DNAJB6: variants seen among roughly 807,000 people sequenced by gnomAD.
DNAJB6 encodes DnaJ heat shock protein family (Hsp40) member B6.
Under a neutral mutation model 42.7 loss-of-function variants are expected in DNAJB6, and 16 were observed. The observed-to-expected ratio is 0.37, with a 90% CI of 0.25 to 0.57. The LOEUF (loss-of-function observed/expected upper bound fraction) is 0.57, where lower values mean the gene tolerates loss of function less well. DNAJB6 is among the 20% of genes least tolerant of loss of function. The pLI, the probability that DNAJB6 is intolerant of heterozygous loss-of-function variation, is 0.74. For synonymous variants in DNAJB6, 170 were observed against 163.5 expected (o/e 1.04, Z -0.30); for missense variants, 347 against 416.8 (o/e 0.83, Z 1.46).
rs759035967 is a variant in DNAJB6, at chr7:157,366,488, C to A, written c.176-14C>A. 6.2e-7 allele frequency: 1 copy of A among 1,613,566 alleles called. No homozygotes were observed. The highest frequency in any genetic ancestry group is 8.5e-7 in the Non-Finnish European group (1 of 1,179,748). On this transcript the variant is annotated splice_polypyrimidine_tract_variant and intron_variant, in intron 3 of 9. Transcript: ENST00000262177. ...AAGGAACTTGGCCTTACCGACTTTT[C>A]TTTCAATTTTTAGCTAAGAAACGGG... is the stretch of plus-strand genomic sequence containing the variant.
chr7:157,388,284 A>G (rs1801174578), intron 8 of DNAJB6, among the ~76,000 whole-genome samples: 1 of 152,248 alleles, frequency 6.6e-6, no homozygotes, highest in Non-Finnish European at 1.5e-5. Flanking sequence ...TTCCTAGAGA[A>G]TTCAGTCTAA....
intron 1 of DNAJB6, among the ~76,000 whole-genome samples, chr7:157,352,030 A>G (rs532341444): frequency 4.6e-5 from 7 of 151,740 alleles, no homozygotes; most frequent in Non-Finnish European, 8.8e-5. Context: ...AAAAAACAAA[A>G]CTTCTCAATT....
chr7:157,410,313 T>C (rs1389407761), intron 9 of DNAJB6: 1 of 527,826 alleles, frequency 1.9e-6, no homozygotes, highest in Non-Finnish European at 3.1e-6. Flanking sequence ...ACGTGCCTTT[T>C]CGTAGCTTTC....
intron 1 of DNAJB6, among the ~76,000 whole-genome samples, chr7:157,345,984 C>G (rs998602235): frequency 1.1e-4 from 16 of 151,998 alleles, no homozygotes; most frequent in African/African-American, 3.9e-4. Flanking sequence ...AGTCCAGGCT[C>G]TCGCTGGGCA....
At chr7:157,346,895 G>T (rs750742485) in intron 1 of DNAJB6, among the ~76,000 whole-genome samples, 1 of 151,960 alleles carries the variant, frequency 6.6e-6, no homozygotes, top group Non-Finnish European at 1.5e-5. Flanking sequence ...TTGCTCTGTC[G>T]CCCAGGCTGC....
At chr7:157,388,945 G>A (rs1240260174) in intron 8 of DNAJB6, among the ~76,000 whole-genome samples, 1 of 152,088 alleles carries the variant, frequency 6.6e-6, no homozygotes, top group African/African-American at 2.4e-5. Context: ...GGAAACTCGG[G>A]GTTTTAAATA....
chr7:157,358,537 T>A lies in DNAJB6; in HGVS notation c.-26-10T>A. ...CAGCCTCATCACTGACCACCTGTTT[T>A]TACTTGCAGGACCCATTCCAACAAT... is the stretch of plus-strand genomic sequence containing the variant. On this transcript the variant is annotated splice_polypyrimidine_tract_variant and intron_variant, in intron 1 of 9. Coordinates refer to ENST00000262177, the MANE Select transcript of DNAJB6 (RefSeq NM_058246.4). The A allele has an allele frequency of 6.3e-7, 1 of 1,592,584 alleles. No individual in the cohort carries two copies.
rs565024715 is a variant in DNAJB6, at chr7:157,364,945, G to T, written c.176-1557G>T. On this transcript the variant is annotated intron_variant, in intron 3 of 9. Transcript: ENST00000262177. The stretch of plus-strand genomic sequence containing the variant: ...CGTTTTCCCATTTTGTGGAATGTGA[G>T]ATTTTCTTCTACTTTTTAAAAATTG... Among the ~76,000 whole-genome samples the T allele has an allele frequency of 2.0e-5, 3 of 152,318 alleles. No homozygotes were observed. In the South Asian group the frequency reaches 6.2e-4, roughly 32 times the overall value.
chr7:157,361,299 C>T (rs1360901986), intron 2 of DNAJB6, among the ~76,000 whole-genome samples: 1 of 152,054 alleles, frequency 6.6e-6, no homozygotes, highest in Non-Finnish European at 1.5e-5. Context: ...GGTGGAACTG[C>T]AGGCGCCTGC....
intron 1 of DNAJB6, among the ~76,000 whole-genome samples, chr7:157,344,290 G>C (rs557178564): frequency 6.6e-6 from 1 of 152,010 alleles, no homozygotes; most frequent in East Asian, 1.9e-4. Flanking sequence ...GCAGTGAGCC[G>C]AGATCCCTCT....
intron 8 of DNAJB6, among the ~76,000 whole-genome samples, chr7:157,393,445 T>A (rs1208888257): frequency 6.6e-6 from 1 of 152,230 alleles, no homozygotes; most frequent in Admixed American, 6.5e-5. Flanking sequence ...CTGAGAAAGA[T>A]TAGTTACTGT....
chr7:157,341,611 T>C (rs948435358), intron 1 of DNAJB6, among the ~76,000 whole-genome samples: 4 of 152,240 alleles, frequency 2.6e-5, no homozygotes, highest in Non-Finnish European at 5.9e-5. Flanking sequence ...GTTGGTATGC[T>C]TATGAACTGT....
chr7:157,362,248 C>T (rs1197669996), intron 2 of DNAJB6, among the ~76,000 whole-genome samples: 1 of 152,126 alleles, frequency 6.6e-6, no homozygotes, highest in Non-Finnish European at 1.5e-5. Context: ...AGGTGATTCA[C>T]CTTTGGCACA....
At chr7:157,410,111 G>C in intron 9 of DNAJB6, 110 bp downstream of exon 9, 5 of 1,420,078 alleles carry the variant, frequency 3.5e-6, no homozygotes, top group Non-Finnish European at 3.7e-6. Context: ...TGACCTGAGC[G>C]GGCGTGGGCG....
Position 157,356,677 on chromosome 7 carries a change from T to C in DNAJB6, c.-26-1870T>C, listed in dbSNP as rs554723664. Among the ~76,000 whole-genome samples, 29 of 152,348 alleles carry C rather than the reference T, an allele frequency of 1.9e-4. No individual in the cohort carries two copies. In the South Asian group the frequency reaches 6.0e-3, roughly 32 times the overall value. ...TTAATATTTTATCTTTGTTTTATTA[T>C]GTATCCAGCAAAGCTGATAACGTTA... is the stretch of plus-strand genomic sequence containing the variant. On this transcript the variant is annotated intron_variant, in intron 1 of 9. Coordinates refer to ENST00000262177, the MANE Select transcript of DNAJB6 (RefSeq NM_058246.4).
At chr7:157,348,436 T>A (rs1384423387) in intron 1 of DNAJB6, among the ~76,000 whole-genome samples, 1 of 152,210 alleles carries the variant, frequency 6.6e-6, no homozygotes, top group African/African-American at 2.4e-5. Context: ...AATGGAAGAT[T>A]TCTGCACCAG....
chr7:157,386,339 G>C lies in DNAJB6; in HGVS notation c.691+728G>C, dbSNP rs545553573. 6 of 984,414 alleles carry C rather than the reference G, an allele frequency of 6.1e-6. No individual in the cohort carries two copies. In the South Asian group the frequency reaches 2.4e-4, roughly 39 times the overall value. 61.0% of individuals were successfully genotyped at this position (984,414 alleles called of 1,614,324 possible). A position where few individuals can be genotyped will look rare whatever the true frequency, so the allele number is the denominator to read the frequency against. Reference sequence around the variant, plus strand: ...TGGGATCTGGAGCTTTTTTGTGTCTGTGTATGATTTGTGCCTGGGCTTCTA... The same window carrying C: ...TGGGATCTGGAGCTTTTTTGTGTCTCTGTATGATTTGTGCCTGGGCTTCTA... On this transcript the variant is annotated intron_variant, in intron 8 of 9. Coordinates refer to ENST00000262177, the MANE Select transcript of DNAJB6 (RefSeq NM_058246.4).
chr7:157,357,032 C>T (rs923185223), intron 1 of DNAJB6, among the ~76,000 whole-genome samples: 2 of 150,020 alleles, frequency 1.3e-5, no homozygotes, highest in African/African-American at 5.0e-5. Flanking sequence ...GGTTTGGTGG[C>T]TCATGCCTGC....
intron 5 of DNAJB6, among the ~76,000 whole-genome samples, chr7:157,376,891 C>G (rs1394063591): frequency 2.6e-5 from 4 of 152,084 alleles, no homozygotes; most frequent in Admixed American, 2.0e-4. Flanking sequence ...GGAAAACAAA[C>G]AAACAAAAAG....
Sources: allele counts gnomAD v4.1 joint callset (sites outside exome capture counted in the v4.1 genomes callset), GRCh38; gene constraint gnomAD v4.1.1; transcripts MANE v1.5; gene names NCBI Gene and HGNC (gene_info 2026-07-23, HGNC 2026-07-21).